MEIS1: variants seen among roughly 807,000 people sequenced by gnomAD.
MEIS1 encodes Meis homeobox 1, also known as homeobox protein Meis1.
A neutral mutation model predicts 50.8 loss-of-function variants in MEIS1; 5 were observed. The observed-to-expected ratio is 0.10, with a 90% CI of 0.05 to 0.21. MEIS1 has a LOEUF of 0.21. Ranked by LOEUF, MEIS1 falls within the 10% of genes least tolerant of loss-of-function variation. MEIS1 has a pLI of 1.00. For synonymous variants in MEIS1, 176 were observed against 179.3 expected (o/e 0.98, Z 0.15); for missense variants, 318 against 517.3 (o/e 0.61, Z 3.74).
At chr2:66,554,185 C>A (rs553041943) in intron 9 of MEIS1, among the ~76,000 whole-genome samples, 7 of 152,264 alleles carry the variant, frequency 4.6e-5, no homozygotes, top group Admixed American at 3.9e-4. Context: ...CCAGCAGGGA[C>A]CCAATGTTTC....
chr2:66,535,136 T>A (rs2103902726), intron 8 of MEIS1, among the ~76,000 whole-genome samples: 1 of 152,154 alleles, frequency 6.6e-6, no homozygotes, highest in East Asian at 1.9e-4. Context: ...TTCAGTAGAG[T>A]GTAAAGACAA....
At chr2:66,441,007 T>C in intron 4 of MEIS1, 1 of 330,736 alleles carries the variant, frequency 3.0e-6, no homozygotes, top group East Asian at 5.8e-5. Flanking sequence ...GCCTGAAAGG[T>C]GTAAGGAAGG....
intron 8 of MEIS1, among the ~76,000 whole-genome samples, chr2:66,537,865 A>G (rs10865355): frequency 0.62 from 93,945 of 152,064 alleles, 29,380 homozygotes; most frequent in East Asian, 0.81. Context: ...TGGGCTATAC[A>G]TAGTTTGAAA....
At chr2:66,489,691 T>C (rs1231883596) in intron 7 of MEIS1, among the ~76,000 whole-genome samples, 1 of 152,234 alleles carries the variant, frequency 6.6e-6, no homozygotes, top group Non-Finnish European at 1.5e-5. Context: ...TATGCTATCC[T>C]GGTGATAATA....
chr2:66,469,680 C>A (rs1209866612), intron 7 of MEIS1, among the ~76,000 whole-genome samples: 1 of 152,166 alleles, frequency 6.6e-6, no homozygotes, highest in Non-Finnish European at 1.5e-5. Flanking sequence ...TCCCCTTGAC[C>A]TTTGCCCTTT....
At chr2:66,497,820 T>A (rs186415275) in intron 7 of MEIS1, among the ~76,000 whole-genome samples, 56 of 152,290 alleles carry the variant, frequency 3.7e-4, no homozygotes, top group Admixed American at 2.1e-3. Context: ...ACCTATTTTG[T>A]GTGGGAAATG....
At chr2:66,498,197 A>G (rs369675982) in intron 7 of MEIS1, among the ~76,000 whole-genome samples, 5 of 152,300 alleles carry the variant, frequency 3.3e-5, no homozygotes, top group East Asian at 1.9e-4. Flanking sequence ...CAAAACAAAC[A>G]TAAGAACTCA....
At position 66,452,154 on chromosome 2, in the gene MEIS1, C is replaced by T. The variant is rs138826736; in HGVS notation, c.630+9106C>T. On this transcript the variant is annotated intron_variant, in intron 6 of 12. Transcript: ENST00000272369. ...GCAACATTTACTTGAAAGTTCCCAC[C>T]AGATCTGGAGTTGTTTTATAATCCA... is the stretch of plus-strand genomic sequence containing the variant. Among the ~76,000 whole-genome samples the T allele has an allele frequency of 6.5e-3, 993 of 151,862 alleles. 17 individuals are homozygous for T. The highest frequency in any genetic ancestry group is 0.023 in the African/African-American group (946 of 41,496).
intron 9 of MEIS1, among the ~76,000 whole-genome samples, chr2:66,561,892 T>C (rs1675222016): frequency 6.6e-6 from 1 of 152,192 alleles, no homozygotes; most frequent in African/African-American, 2.4e-5. Context: ...TGTGATTTTC[T>C]GTGGTTTACC....
At chr2:66,512,057 C>G in intron 7 of MEIS1, 92 bp from the exon 8 acceptor site, 1 of 1,318,202 alleles carries the variant, frequency 7.6e-7, no homozygotes, top group Non-Finnish European at 1.0e-6. Flanking sequence ...TTTAAATTTG[C>G]TCTTTTGGTT....
chr2:66,436,078 A>G (rs1671789782), intron 1 of MEIS1, among the ~76,000 whole-genome samples: 1 of 152,154 alleles, frequency 6.6e-6, no homozygotes, highest in Admixed American at 6.5e-5. Flanking sequence ...CTATTTATCT[A>G]TAGATTCCTA....
intron 6 of MEIS1, among the ~76,000 whole-genome samples, chr2:66,455,527 A>G (rs1672368340): frequency 6.6e-6 from 1 of 152,206 alleles, no homozygotes; most frequent in Non-Finnish European, 1.5e-5. Context: ...CTTGTAATTT[A>G]TTGGGTAAAT....
At chr2:66,528,721 C>A (rs559463019) in intron 8 of MEIS1, among the ~76,000 whole-genome samples, 100 of 152,280 alleles carry the variant, frequency 6.6e-4, no homozygotes, top group African/African-American at 2.4e-3. Context: ...ACATTGGTCC[C>A]TTATAAACCA....
In MEIS1 at chr2:66,571,335, C is replaced by G. The variant is rs200212828; in HGVS notation, c.*127C>G. 3 of 1,595,846 alleles carry G rather than the reference C, an allele frequency of 1.9e-6. No individual in the cohort carries two copies. Among genetic ancestry groups the G allele is most frequent in the Admixed American group, 1.8e-5 (1 of 57,064 alleles). On this transcript the variant is annotated 3_prime_UTR_variant, in exon 13 of 13. Transcript: ENST00000272369. ...GCCAAGTTATACCCAACCCCAGATGCCCCCCCATCCTGCTCAGCTGCGTCA... is the reference window on the plus strand; with the variant it reads ...GCCAAGTTATACCCAACCCCAGATGGCCCCCCATCCTGCTCAGCTGCGTCA...
intron 7 of MEIS1, among the ~76,000 whole-genome samples, chr2:66,483,934 A>G (rs1457594181): frequency 1.3e-5 from 2 of 152,180 alleles, no homozygotes; most frequent in South Asian, 2.1e-4. Flanking sequence ...TCTGGTCACA[A>G]TAACCTTTGG....
intron 7 of MEIS1, among the ~76,000 whole-genome samples, chr2:66,494,830 A>G (rs1418989134): frequency 6.6e-6 from 1 of 152,152 alleles, no homozygotes; most frequent in African/African-American, 2.4e-5. Flanking sequence ...CACTTCATGA[A>G]GAGTACCCAG....
rs575956386 is a variant in MEIS1, at chr2:66,572,000, G to A, written c.*792G>A. The A allele has an allele frequency of 2.8e-4, 46 of 164,966 alleles. No homozygotes were observed. Among genetic ancestry groups the A allele is most frequent in the Non-Finnish European group, 4.6e-4 (36 of 77,760 alleles). 10.2% of individuals were successfully genotyped at this position (164,966 alleles called of 1,614,324 possible). ...CGCCTAGGATTTCAGCCATGCGCGC[G>A]CTCTCTCTCTTTCTCTCTCTTTTCC... On this transcript the variant is annotated 3_prime_UTR_variant, in exon 13 of 13. Transcript: ENST00000272369.
chr2:66,514,966 C>T (rs914913619), intron 8 of MEIS1, among the ~76,000 whole-genome samples: 3 of 152,124 alleles, frequency 2.0e-5, no homozygotes, highest in Admixed American at 6.6e-5. Context: ...TGTTGTTTGT[C>T]TAAATGTAAG....
chr2:66,461,562 A>G (rs1412835107), intron 6 of MEIS1, among the ~76,000 whole-genome samples: 2 of 152,256 alleles, frequency 1.3e-5, no homozygotes, highest in Non-Finnish European at 2.9e-5. Flanking sequence ...CAGTATTCAT[A>G]GGCCTTCTGG....
Sources: allele counts gnomAD v4.1 joint callset (sites outside exome capture counted in the v4.1 genomes callset), GRCh38; gene constraint gnomAD v4.1.1; transcripts MANE v1.5; gene names NCBI Gene and HGNC (gene_info 2026-07-23, HGNC 2026-07-21).